Variants in SKAP1 observed in about 807,000 individuals in gnomAD.
SKAP1 encodes src kinase associated phosphoprotein 1.
Under a neutral mutation model 58.5 loss-of-function variants are expected in SKAP1, and 44 were observed. The ratio of observed to expected loss-of-function variants is 0.75; its 90% confidence interval spans 0.59 to 0.97. The LOEUF is 0.97. Ranked by LOEUF, SKAP1 falls within the 50% of genes least tolerant of loss-of-function variation. The probability of loss-of-function intolerance (pLI) is 0.00; values close to 1 mark genes in which losing one functional copy is unlikely to be tolerated. For synonymous variants in SKAP1, 127 were observed against 149.7 expected, an observed-to-expected ratio of 0.85 and a Z score of 1.11; for missense variants, 390 against 435.2, an observed-to-expected ratio of 0.90 and a Z score of 0.92.
chr17:48,417,327 A>G (rs2067744079), intron 1 of SKAP1, among the ~76,000 whole-genome samples: 1 of 152,266 alleles, frequency 6.6e-6, no homozygotes, highest in African/African-American at 2.4e-5. Flanking sequence ...CAGAGAAAAC[A>G]AAAACCAGAA....
intron 4 of SKAP1, among the ~76,000 whole-genome samples, chr17:48,197,794 CAGA>C (rs2064658627): frequency 6.6e-6 from 1 of 152,180 alleles, no homozygotes; most frequent in Non-Finnish European, 1.5e-5. Flanking sequence ...AGGTAACTTA[CAGA>C]AACCATGAGT....
chr17:48,147,445 T>C (rs866869014), intron 11 of SKAP1, among the ~76,000 whole-genome samples: 2 of 152,314 alleles, frequency 1.3e-5, no homozygotes, highest in Middle Eastern at 3.4e-3. Flanking sequence ...AATCCAGCTT[T>C]GGATATATAA....
chr17:48,305,974 A>G (rs1363110856), intron 4 of SKAP1, among the ~76,000 whole-genome samples: 1 of 152,162 alleles, frequency 6.6e-6, no homozygotes, highest in African/African-American at 2.4e-5. Flanking sequence ...CTCTTCTCCT[A>G]TCAATCCTGT....
intron 4 of SKAP1, among the ~76,000 whole-genome samples, chr17:48,319,853 A>G (rs531330816): frequency 3.3e-4 from 50 of 152,264 alleles, no homozygotes; most frequent in African/African-American, 1.2e-3. Context: ...AAAAACAAAC[A>G]AACGAACAAA....
chr17:48,370,926 C>T (rs775579988), intron 2 of SKAP1, among the ~76,000 whole-genome samples: 2 of 152,166 alleles, frequency 1.3e-5, no homozygotes, highest in South Asian at 2.1e-4. Flanking sequence ...GGCATATATA[C>T]ACCATGGACT....
the SKAP1 span, among the ~76,000 whole-genome samples, chr17:48,437,308 C>T: frequency 3.3e-5 from 5 of 152,324 alleles, no homozygotes; most frequent in African/African-American, 7.2e-5. Flanking sequence ...GGCTCTGCCA[C>T]CTACCTGTTC....
intron 4 of SKAP1, among the ~76,000 whole-genome samples, chr17:48,201,162 G>T (rs917974251): frequency 2.6e-5 from 4 of 152,096 alleles, no homozygotes; most frequent in Non-Finnish European, 5.9e-5. Context: ...GTATCACAGC[G>T]CTGAGAATGA....
chr17:48,259,592 A>G (rs1026401996), intron 4 of SKAP1, among the ~76,000 whole-genome samples: 1 of 152,214 alleles, frequency 6.6e-6, no homozygotes, highest in African/African-American at 2.4e-5. Flanking sequence ...TATAAATATG[A>G]ATAAAGCATT....
chr17:48,145,049 TA>T lies in SKAP1; in HGVS notation c.979-7713del, dbSNP rs112451742. Among the ~76,000 whole-genome samples the T allele has an allele frequency of 4.3e-4, 65 of 151,548 alleles. 1 individual carries two copies. Among genetic ancestry groups the T allele is most frequent in the African/African-American group, 1.4e-3 (58 of 41,334 alleles). ...TTTAGATAAGAATATAAAAAGTTAT[TA>T]AAAAAAAACCCACAAACCTTTCCAT... On this transcript the variant is annotated intron_variant, in intron 11 of 12. Transcript: ENST00000336915.
At chr17:48,417,988 C>A (rs960619935) in intron 1 of SKAP1, among the ~76,000 whole-genome samples, 23 of 151,642 alleles carry the variant, frequency 1.5e-4, no homozygotes, top group Admixed American at 6.6e-4. Context: ...TAAAAAAAAA[C>A]AACAACAACA....
chr17:48,367,057 C>G (rs1329054477), intron 2 of SKAP1, among the ~76,000 whole-genome samples: 1 of 152,158 alleles, frequency 6.6e-6, no homozygotes. Context: ...CCATGATGCC[C>G]ACTCCAACTA....
intron 4 of SKAP1, among the ~76,000 whole-genome samples, chr17:48,275,739 T>C (rs1413199587): frequency 2.6e-5 from 4 of 152,136 alleles, no homozygotes; most frequent in Non-Finnish European, 4.4e-5. Flanking sequence ...ATCCCAACTA[T>C]TGTTGTTGTT....
At chr17:48,409,998 A>T (rs1236995913) in intron 1 of SKAP1, among the ~76,000 whole-genome samples, 1 of 152,212 alleles carries the variant, frequency 6.6e-6, no homozygotes, top group Non-Finnish European at 1.5e-5. Flanking sequence ...AAAGGCGCTG[A>T]CCTAAGTAGC....
chr17:48,266,512 T>A (rs1458402173), intron 4 of SKAP1, among the ~76,000 whole-genome samples: 7 of 149,088 alleles, frequency 4.7e-5, no homozygotes, highest in Non-Finnish European at 7.4e-5. Context: ...TTTCTTACTT[T>A]CTTTTTTTTT....
intron 3 of SKAP1, among the ~76,000 whole-genome samples, chr17:48,353,425 CT>C (rs751985619): frequency 2.6e-5 from 4 of 152,136 alleles, no homozygotes; most frequent in Non-Finnish European, 5.9e-5. Context: ...GTTCATCTTG[CT>C]TTCTTGTCCC....
At chr17:48,350,441 A>G (rs990352621) in intron 3 of SKAP1, among the ~76,000 whole-genome samples, 2 of 152,212 alleles carry the variant, frequency 1.3e-5, no homozygotes, top group Non-Finnish European at 2.9e-5. Context: ...CATGCCTGTA[A>G]TCCCAGCACT....
At chr17:48,379,799 G>A (rs1018844563) in intron 2 of SKAP1, among the ~76,000 whole-genome samples, 10 of 150,254 alleles carry the variant, frequency 6.7e-5, no homozygotes, top group South Asian at 2.1e-4. Flanking sequence ...CTCCTGCCTC[G>A]GCCTCCTGAG....
intron 2 of SKAP1, among the ~76,000 whole-genome samples, chr17:48,385,410 G>C (rs1338027482): frequency 2.0e-5 from 3 of 152,064 alleles, no homozygotes; most frequent in Non-Finnish European, 4.4e-5. Context: ...GGAGAAATTT[G>C]AGTATATTTA....
chr17:48,163,441 T>A (rs1376242435), intron 10 of SKAP1, among the ~76,000 whole-genome samples: 1 of 152,146 alleles, frequency 6.6e-6, no homozygotes, highest in Non-Finnish European at 1.5e-5. Flanking sequence ...CCCGGAAAGG[T>A]TAAACACTAG....
Sources: gnomAD v4.1 joint callset for allele counts (sites outside exome capture counted in the v4.1 genomes callset) on GRCh38, gnomAD v4.1.1 for gene constraint, MANE v1.5 for transcripts, NCBI Gene and HGNC (gene_info 2026-07-23, HGNC 2026-07-21) for gene names.